Variants in DCDC2 observed in about 807,000 individuals in gnomAD.
The protein encoded by DCDC2 is doublecortin domain-containing protein 2.
DCDC2 carries 40 observed loss-of-function variants against 50.2 expected under a neutral mutation model. The observed-to-expected ratio is 0.80, with a 90% CI of 0.62 to 1.04. DCDC2 has a LOEUF of 1.04. Among genes scored for constraint, DCDC2 ranks in the 50% least tolerant of loss-of-function variants. The probability of loss-of-function intolerance (pLI) is 0.00; values close to 1 mark genes in which losing one functional copy is unlikely to be tolerated. For missense variants in DCDC2, 570 were observed against 581.9 expected, an observed-to-expected ratio of 0.98 and a Z score of 0.21; for synonymous variants, 234 against 210.6, an observed-to-expected ratio of 1.11 and a Z score of -0.96.
At position 24,288,861 on chromosome 6, in the gene DCDC2, A is replaced by C. The variant is rs372157851; in HGVS notation, c.750T>G (p.Ser250=). The C allele has an allele frequency of 1.5e-4, 249 of 1,611,620 alleles. No individual in the cohort carries two copies. Among genetic ancestry groups the C allele is most frequent in the Non-Finnish European group, 2.1e-4 (242 of 1,178,874 alleles). The change falls in exon 6 of 10, where the codon TCT becomes TCG. Residue 250 remains serine (S), a synonymous_variant. Coordinates refer to ENST00000378454, the MANE Select transcript of DCDC2 (RefSeq NM_016356.5). ...AGCATCTGATACTTACACTCCCTTTAGACTTTCTGGATCCTACAATAGGAG... is the reference window on the plus strand; with the variant it reads ...AGCATCTGATACTTACACTCCCTTTCGACTTTCTGGATCCTACAATAGGAG... ...SLPPIVGSRK[S]KGSGNDRHSK... is the part of the protein sequence containing the mutation.
rs554313786 is a variant in DCDC2 at position 24,357,600 on chromosome 6, C to G, written c.151G>C (p.Val51Leu). The change falls in exon 1 of 10, where the codon GTG becomes CTG. Residue 51 changes from valine (V) to leucine (L), a missense_variant. By Grantham distance (32) the Val-to-Leu change is conservative. Transcript: ENST00000378454. ...AAGGGTGCCTGAACGCCGCCGGTCA[C>G]CTCCTTCAGGAAGACTTCGAAGCTG... ...VSSFEVFLKE[V>L]TGGVQAPFGA... 4.3e-6 allele frequency: 7 copies of G among 1,613,510 alleles called. No individual in the cohort carries two copies. In the Admixed American group the frequency reaches 1.0e-4, roughly 23 times the overall value.
chr6:24,266,656 G>T (rs1394561658), intron 7 of DCDC2, among the ~76,000 whole-genome samples: 1 of 152,090 alleles, frequency 6.6e-6, no homozygotes, highest in African/African-American at 2.4e-5. Flanking sequence ...TCGGAAGACA[G>T]ACAATAAGGG....
chr6:24,221,470 G>A (rs181399128), intron 7 of DCDC2, among the ~76,000 whole-genome samples: 139 of 152,264 alleles, frequency 9.1e-4, no homozygotes, highest in African/African-American at 3.2e-3. Flanking sequence ...CATCTCTGAA[G>A]TTTTTACACT....
At chr6:24,203,784 T>C (rs779329530) in intron 8 of DCDC2, among the ~76,000 whole-genome samples, 1 of 149,384 alleles carries the variant, frequency 6.7e-6, no homozygotes, top group Non-Finnish European at 1.5e-5. Context: ...TTAAAAAAAT[T>C]TACAAGAAAA....
At chr6:24,267,409 T>C (rs1763145482) in intron 7 of DCDC2, among the ~76,000 whole-genome samples, 1 of 152,220 alleles carries the variant, frequency 6.6e-6, no homozygotes, top group Non-Finnish European at 1.5e-5. Context: ...AAATATCTCA[T>C]GTATCCCATA....
At chr6:24,380,667 T>C in the DCDC2 span, among the ~76,000 whole-genome samples, 76 of 152,274 alleles carry the variant, frequency 5.0e-4, no homozygotes, top group Non-Finnish European at 2.6e-4. Flanking sequence ...AGCTGAAGAA[T>C]AAAGTAATAC....
chr6:24,263,700 G>T (rs898090114), intron 7 of DCDC2, among the ~76,000 whole-genome samples: 2 of 152,000 alleles, frequency 1.3e-5, no homozygotes, highest in South Asian at 4.2e-4. Context: ...AAACAAAAAA[G>T]AATTTAAAAA....
intron 4 of DCDC2, among the ~76,000 whole-genome samples, chr6:24,292,057 G>A (rs1013343584): frequency 6.6e-6 from 1 of 151,996 alleles, no homozygotes; most frequent in East Asian, 1.9e-4. Context: ...CCAGAATCGA[G>A]CAGTTTCACA....
intron 7 of DCDC2, among the ~76,000 whole-genome samples, chr6:24,243,019 C>G (rs993384297): frequency 9.2e-5 from 14 of 151,968 alleles, no homozygotes; most frequent in African/African-American, 3.4e-4. Context: ...AGGAATATAT[C>G]CCCCTGAGAA....
chr6:24,286,991 C>T (rs1470446705), intron 6 of DCDC2, among the ~76,000 whole-genome samples: 1 of 152,174 alleles, frequency 6.6e-6, no homozygotes, highest in African/African-American at 2.4e-5. Context: ...CAACCATCGA[C>T]TTATCTATGG....
intron 8 of DCDC2, among the ~76,000 whole-genome samples, chr6:24,187,721 G>A (rs370748702): frequency 2.0e-4 from 30 of 152,228 alleles, no homozygotes; most frequent in Middle Eastern, 3.4e-3. Context: ...AGACACAAAT[G>A]TGCCTCCCAC....
At chr6:24,270,895 G>A (rs1026424976) in intron 7 of DCDC2, among the ~76,000 whole-genome samples, 2 of 152,024 alleles carry the variant, frequency 1.3e-5, no homozygotes. Context: ...CCACTGGGGC[G>A]GATGCATATT....
chr6:24,358,911 A>ATT (rs1217067819), upstream of DCDC2, among the ~76,000 whole-genome samples: 1 of 36,464 alleles, frequency 2.7e-5, no homozygotes, highest in Non-Finnish European at 3.9e-5. Context: ...TATATTATAT[A>ATT]TTATATATAT....
intron 6 of DCDC2, among the ~76,000 whole-genome samples, chr6:24,287,019 T>C (rs1763626467): frequency 6.6e-6 from 1 of 152,120 alleles, no homozygotes; most frequent in African/African-American, 2.4e-5. Context: ...CCACGTGAAG[T>C]CTTCCTCCAT....
chr6:24,377,116 C>G, the DCDC2 span, among the ~76,000 whole-genome samples: 4 of 152,318 alleles, frequency 2.6e-5, no homozygotes, highest in South Asian at 4.1e-4. Context: ...AGGTCTTCAA[C>G]CACAGCCAAA....
At chr6:24,323,819 T>C (rs1243567983) in intron 2 of DCDC2, among the ~76,000 whole-genome samples, 1 of 152,208 alleles carries the variant, frequency 6.6e-6, no homozygotes, top group African/African-American at 2.4e-5. Context: ...TTGGGTTTTG[T>C]TTTAGTTTCA....
chr6:24,187,212 G>GT (rs1761223921), intron 8 of DCDC2, among the ~76,000 whole-genome samples: 4 of 152,110 alleles, frequency 2.6e-5, no homozygotes, highest in Non-Finnish European at 4.4e-5. Context: ...ATGGAAAGAG[G>GT]GATGGCTGGA....
At chr6:24,367,596 AT>A in the DCDC2 span, among the ~76,000 whole-genome samples, 1 of 152,356 alleles carries the variant, frequency 6.6e-6, no homozygotes, top group Admixed American at 6.5e-5. Context: ...TGTCTTTGTG[AT>A]CTACAAAATG....
the DCDC2 span, among the ~76,000 whole-genome samples, chr6:24,369,183 G>A: frequency 2.0e-5 from 3 of 150,940 alleles, no homozygotes; most frequent in Non-Finnish European, 4.4e-5. Context: ...AATAAATGGG[G>A]AAAAGAGTAA....
Sources: allele counts gnomAD v4.1 joint callset (sites outside exome capture counted in the v4.1 genomes callset), GRCh38; gene constraint gnomAD v4.1.1; transcripts MANE v1.5; gene names NCBI Gene and HGNC (gene_info 2026-07-23, HGNC 2026-07-21).